AOPEP: variants seen among roughly 807,000 people sequenced by gnomAD.
AOPEP encodes aminopeptidase O (putative).
AOPEP carries 77 observed loss-of-function variants against 98.1 expected under a neutral mutation model. That is an observed-to-expected ratio of 0.78 (90% CI 0.65 to 0.95). The LOEUF (loss-of-function observed/expected upper bound fraction) is 0.95. Ranked by LOEUF, AOPEP falls within the 40% of genes least tolerant of loss-of-function variation. The probability of loss-of-function intolerance (pLI) is 0.00; values close to 1 mark genes in which losing one functional copy is unlikely to be tolerated. For missense variants in AOPEP, 1,024 were observed against 1,024.7 expected (o/e 1.00, Z 0.01); for synonymous variants, 346 against 365.3 (o/e 0.95, Z 0.60).
intron 7 of AOPEP, chr9:94,932,121 T>C (rs1275142990): frequency 6.8e-6 from 7 of 1,026,496 alleles, no homozygotes; most frequent in Non-Finnish European, 8.2e-6. Flanking sequence ...ACTGAGAGCA[T>C]TTAGTTGCAT....
intron 13 of AOPEP, chr9:95,048,769 A>G (rs2066076905): frequency 6.6e-6 from 1 of 152,146 alleles, no homozygotes; most frequent in South Asian, 2.1e-4. Flanking sequence ...ATTCAGAGTG[A>G]TTCAAGGGCA....
chr9:94,894,566 G>T (rs1373902915), intron 5 of AOPEP, among the ~76,000 whole-genome samples: 2 of 152,138 alleles, frequency 1.3e-5, no homozygotes, highest in Non-Finnish European at 2.9e-5. Context: ...AGTTAGCAAA[G>T]AATTTTTCCT....
At chr9:95,131,487 C>G in the AOPEP span, among the ~76,000 whole-genome samples, 2 of 152,190 alleles carry the variant, frequency 1.3e-5, no homozygotes, top group South Asian at 4.1e-4. Context: ...AAACTCGCAA[C>G]GTGGGCCTCT....
chr9:95,086,418 G>C, intron 16 of AOPEP: 2 of 985,412 alleles, frequency 2.0e-6, no homozygotes, highest in Non-Finnish European at 2.4e-6. Context: ...GAGTGGGTGC[G>C]TGTCTGAAAT....
intron 5 of AOPEP, among the ~76,000 whole-genome samples, chr9:94,830,684 C>CT (rs1161634416): frequency 2.0e-5 from 3 of 152,156 alleles, no homozygotes; most frequent in African/African-American, 7.2e-5. Context: ...TAAAAGCATT[C>CT]TTTTTTTCTT....
intron 13 of AOPEP, among the ~76,000 whole-genome samples, chr9:95,010,245 G>A (rs1379932729): frequency 6.6e-6 from 1 of 152,116 alleles, no homozygotes; most frequent in Non-Finnish European, 1.5e-5. Context: ...AAGTACTGCT[G>A]TGTTTGTCTT....
At chr9:95,044,153 C>G (rs2065614550) in intron 13 of AOPEP, among the ~76,000 whole-genome samples, 1 of 152,088 alleles carries the variant, frequency 6.6e-6, no homozygotes, top group South Asian at 2.1e-4. Flanking sequence ...GGAAAATGTC[C>G]CTGAAACAGA....
At chr9:95,004,768 T>G (rs1351514515) in intron 11 of AOPEP, among the ~76,000 whole-genome samples, 1 of 53,952 alleles carries the variant, frequency 1.9e-5, no homozygotes, top group Non-Finnish European at 4.2e-5. Flanking sequence ...CGGGGAGGGG[T>G]GGCGGGGGCA....
At chr9:94,995,243 T>G (rs2061149340) in intron 11 of AOPEP, among the ~76,000 whole-genome samples, 1 of 152,222 alleles carries the variant, frequency 6.6e-6, no homozygotes, top group Non-Finnish European at 1.5e-5. Context: ...GTTATTTTGA[T>G]ACCTTTGAAA....
At chr9:94,846,112 T>A (rs898899238) in intron 5 of AOPEP, among the ~76,000 whole-genome samples, 3 of 150,346 alleles carry the variant, frequency 2.0e-5, no homozygotes, top group East Asian at 2.0e-4. Context: ...AAAAAAAAAA[T>A]TTGAGTCTGA....
the AOPEP span, among the ~76,000 whole-genome samples, chr9:95,143,687 A>G: frequency 0.46 from 70,030 of 151,996 alleles, 16,345 homozygotes; most frequent in East Asian, 0.58. Flanking sequence ...CCAGTCTTCA[A>G]GCTTCTCAGT....
At chr9:94,991,079 T>G (rs537837528) in intron 11 of AOPEP, among the ~76,000 whole-genome samples, 1 of 152,286 alleles carries the variant, frequency 6.6e-6, no homozygotes, top group African/African-American at 2.4e-5. Context: ...TGGCACATGC[T>G]GATAGAAGAT....
intron 13 of AOPEP, among the ~76,000 whole-genome samples, chr9:95,045,376 C>A (rs1587772550): frequency 6.6e-6 from 1 of 152,348 alleles, no homozygotes; most frequent in East Asian, 1.9e-4. Context: ...GCGTCCACTG[C>A]GGACAGGGGT....
intron 1 of AOPEP, among the ~76,000 whole-genome samples, chr9:94,750,955 G>T (rs1835613977): frequency 6.6e-6 from 1 of 152,002 alleles, no homozygotes; most frequent in Admixed American, 6.5e-5. Flanking sequence ...CACCGTGTTA[G>T]CCAGGATGGT....
intron 5 of AOPEP, among the ~76,000 whole-genome samples, chr9:94,886,532 T>C (rs1326013606): frequency 6.6e-6 from 1 of 152,222 alleles, no homozygotes; most frequent in Non-Finnish European, 1.5e-5. Flanking sequence ...AATGGCTCAC[T>C]ATGAATTTTT....
intron 13 of AOPEP, among the ~76,000 whole-genome samples, chr9:95,031,700 C>A (rs2064316792): frequency 6.6e-6 from 1 of 152,128 alleles, no homozygotes; most frequent in African/African-American, 2.4e-5. Context: ...TGTTCAAGCC[C>A]GATTCTCCGG....
chr9:95,092,377 GGGGCCTGGGGGC>G, the AOPEP span, among the ~76,000 whole-genome samples: 1,605 of 152,150 alleles, frequency 0.011, 28 homozygotes, highest in African/African-American at 0.037. Context: ...GTCGCTGAGT[GGGGCCTGGGGGC>G]GGGCCTGGGG....
At chr9:94,996,381 TG>T (rs1327021238) in intron 11 of AOPEP, among the ~76,000 whole-genome samples, 4 of 141,430 alleles carry the variant, frequency 2.8e-5, no homozygotes, top group African/African-American at 1.1e-4. Context: ...TGTGTGTGTG[TG>T]TGTGTGTGTG....
intron 1 of AOPEP, among the ~76,000 whole-genome samples, chr9:94,738,878 A>G (rs1258360699): frequency 2.0e-5 from 3 of 152,332 alleles, no homozygotes; most frequent in African/African-American, 7.2e-5. Context: ...CCCAAGAGAA[A>G]AATATTTTAA....
Sources: allele counts gnomAD v4.1 joint callset (sites outside exome capture counted in the v4.1 genomes callset), GRCh38; gene constraint gnomAD v4.1.1; transcripts MANE v1.5; gene names NCBI Gene and HGNC (gene_info 2026-07-23, HGNC 2026-07-21).